RBFOX1: variants seen among roughly 807,000 people sequenced by gnomAD.
RBFOX1 encodes the protein RNA binding protein fox-1 homolog 1.
In RBFOX1, 8 loss-of-function variants were observed where a neutral mutation model predicts 57.7. The ratio of observed to expected loss-of-function variants is 0.14; its 90% CI spans 0.08 to 0.25. The LOEUF is 0.25. RBFOX1 is among the 10% of genes least tolerant of loss of function. The pLI, the probability that RBFOX1 is intolerant of heterozygous loss-of-function variation, is 1.00. For synonymous variants in RBFOX1, 326 were observed against 222.4 expected, an observed-to-expected ratio of 1.47 and a Z score of -4.15; for missense variants, 611 against 548.5, an observed-to-expected ratio of 1.11 and a Z score of -1.14.
chr16:5,982,054 A>G (rs891960074), intron 4 of RBFOX1, among the ~76,000 whole-genome samples: 9 of 152,176 alleles, frequency 5.9e-5, no homozygotes, highest in African/African-American at 1.2e-4. Context: ...GCCAGGACAC[A>G]TCTCTGCTCC....
chr16:5,649,856 C>T (rs573903208), intron 3 of RBFOX1, among the ~76,000 whole-genome samples: 1 of 152,284 alleles, frequency 6.6e-6, no homozygotes, highest in Admixed American at 6.5e-5. Flanking sequence ...TGCCCTTGAG[C>T]TGAGCTTGTT....
intron 5 of RBFOX1, among the ~76,000 whole-genome samples, chr16:7,561,043 T>C (rs1275062042): frequency 1.3e-5 from 2 of 152,222 alleles, no homozygotes; most frequent in Admixed American, 6.5e-5. Context: ...TCAGGTTATG[T>C]CTTCTTCATC....
intron 2 of RBFOX1, among the ~76,000 whole-genome samples, chr16:5,588,252 G>A (rs980964231): frequency 1.3e-5 from 2 of 152,188 alleles, no homozygotes; most frequent in Non-Finnish European, 2.9e-5. Flanking sequence ...GTTTCATGGT[G>A]ATGAAAACGT....
At chr16:6,940,762 TAGTGTG>T (rs1251599582) in intron 3 of RBFOX1, among the ~76,000 whole-genome samples, 1 of 91,460 alleles carries the variant, frequency 1.1e-5, no homozygotes, top group Non-Finnish European at 2.4e-5. Flanking sequence ...CATGTCCCGC[TAGTGTG>T]TGTGTGTGTG....
intron 3 of RBFOX1, among the ~76,000 whole-genome samples, chr16:5,689,224 A>G (rs907561281): frequency 6.6e-6 from 1 of 152,224 alleles, no homozygotes; most frequent in African/African-American, 2.4e-5. Context: ...AGGATTGCTT[A>G]TCAGCTCCAT....
chr16:7,393,986 A>C (rs573708881), intron 4 of RBFOX1, among the ~76,000 whole-genome samples: 1 of 152,124 alleles, frequency 6.6e-6, no homozygotes, highest in Non-Finnish European at 1.5e-5. Flanking sequence ...CTGTAATCCT[A>C]GCCCTTTGGG....
intron 1 of RBFOX1, among the ~76,000 whole-genome samples, chr16:6,181,476 A>C (rs1490615881): frequency 1.3e-5 from 2 of 152,194 alleles, no homozygotes; most frequent in African/African-American, 2.4e-5. Context: ...GATTATTGCT[A>C]TTTGGAGAGA....
intron 3 of RBFOX1, among the ~76,000 whole-genome samples, chr16:6,783,565 C>G (rs1190778476): frequency 6.6e-6 from 1 of 151,970 alleles, no homozygotes; most frequent in Non-Finnish European, 1.5e-5. Flanking sequence ...CTCCTGCAGT[C>G]TGACTTTTTG....
intron 3 of RBFOX1, among the ~76,000 whole-genome samples, chr16:6,861,770 C>G (rs1423971636): frequency 6.8e-6 from 1 of 148,082 alleles, no homozygotes; most frequent in South Asian, 2.2e-4. Flanking sequence ...AGTATTTGGC[C>G]AAAGTGTTTC....
intron 2 of RBFOX1, among the ~76,000 whole-genome samples, chr16:6,613,372 C>T (rs991041915): frequency 6.6e-6 from 1 of 151,990 alleles, no homozygotes; most frequent in Non-Finnish European, 1.5e-5. Flanking sequence ...CACAGAAAAT[C>T]CATATGAGAA....
intron 4 of RBFOX1, among the ~76,000 whole-genome samples, chr16:7,219,782 A>G (rs915436770): frequency 5.3e-5 from 8 of 152,164 alleles, no homozygotes; most frequent in African/African-American, 1.7e-4. Context: ...GGATAATTTA[A>G]TTTTTGTTCT....
At chr16:6,644,633 C>T (rs568248144) in intron 2 of RBFOX1, among the ~76,000 whole-genome samples, 1 of 152,318 alleles carries the variant, frequency 6.6e-6, no homozygotes, top group South Asian at 2.1e-4. Flanking sequence ...TACTTAGCTT[C>T]TCATGACAAG....
intron 3 of RBFOX1, among the ~76,000 whole-genome samples, chr16:5,665,070 C>G (rs917295876): frequency 1.3e-5 from 2 of 148,434 alleles, no homozygotes; most frequent in African/African-American, 2.5e-5. Flanking sequence ...CCCAGGCTCC[C>G]GAGTAGCTGA....
At chr16:6,513,441 G>A (rs777747716) in intron 2 of RBFOX1, among the ~76,000 whole-genome samples, 2 of 152,096 alleles carry the variant, frequency 1.3e-5, no homozygotes, top group Non-Finnish European at 2.9e-5. Flanking sequence ...GTAAAAGTTT[G>A]GAGACCATGA....
intron 3 of RBFOX1, among the ~76,000 whole-genome samples, chr16:5,783,443 G>A (rs559601464): frequency 3.9e-5 from 6 of 152,000 alleles, no homozygotes; most frequent in South Asian, 2.1e-4. Flanking sequence ...ATTTTTTCTT[G>A]TTTTGAGTAT....
At chr16:7,650,224 C>A (rs1393518819) in intron 11 of RBFOX1, among the ~76,000 whole-genome samples, 1 of 152,058 alleles carries the variant, frequency 6.6e-6, no homozygotes, top group Non-Finnish European at 1.5e-5. Flanking sequence ...AGAAAGAGAC[C>A]ACTGAAAATA....
intron 1 of RBFOX1, among the ~76,000 whole-genome samples, chr16:5,261,493 T>A (rs1345734962): frequency 6.6e-6 from 1 of 152,082 alleles, no homozygotes; most frequent in Non-Finnish European, 1.5e-5. Context: ...TGGATTATAT[T>A]CTGTTTTCCT....
chr16:6,750,587 T>A (rs1402099646), intron 3 of RBFOX1, among the ~76,000 whole-genome samples: 1 of 152,234 alleles, frequency 6.6e-6, no homozygotes, highest in Non-Finnish European at 1.5e-5. Flanking sequence ...AGGCATGCCT[T>A]GTTCATCACC....
rs77498798 is a variant in RBFOX1 at position 7,378,533 on chromosome 16, T to C, written c.28-139614T>C. Among the ~76,000 whole-genome samples, 609 of 152,308 alleles carry C rather than the reference T, an allele frequency of 4.0e-3. 5 individuals carry two copies. The highest frequency in any genetic ancestry group is 0.014 in the African/African-American group (571 of 41,570). The stretch of plus-strand genomic sequence containing the variant: ...GTGATTTCCAACTGGATATGTCATT[T>C]CTACCAAGCCAGTGGCAACTCCAGC... On this transcript the variant is annotated intron_variant, in intron 4 of 15. Coordinates refer to ENST00000550418, the MANE Select transcript of RBFOX1 (RefSeq NM_018723.4).
Sources: allele counts gnomAD v4.1 joint callset (sites outside exome capture counted in the v4.1 genomes callset), GRCh38; gene constraint gnomAD v4.1.1; transcripts MANE v1.5; gene names NCBI Gene and HGNC (gene_info 2026-07-23, HGNC 2026-07-21).